Variants in SLC4A4 observed in about 807,000 individuals in gnomAD.
SLC4A4 encodes electrogenic sodium bicarbonate cotransporter 1.
In SLC4A4, 27 loss-of-function variants were observed where a neutral mutation model predicts 111.5. The observed-to-expected ratio is 0.24, with a 90% CI of 0.18 to 0.33. SLC4A4 has a LOEUF of 0.33. SLC4A4 is among the 10% of genes least tolerant of loss of function. The probability of loss-of-function intolerance (pLI) is 1.00; values close to 1 mark genes in which losing one functional copy is unlikely to be tolerated. For missense variants in SLC4A4, 909 were observed against 1,315.5 expected (o/e 0.69, Z 4.78); for synonymous variants, 443 against 463.4 (o/e 0.96, Z 0.57).
At chr4:71,500,879 T>C (rs1000016923) in intron 16 of SLC4A4, among the ~76,000 whole-genome samples, 3 of 152,222 alleles carry the variant, frequency 2.0e-5, no homozygotes, top group Admixed American at 6.5e-5. Flanking sequence ...AGTTTTGTAG[T>C]AGATTAGTGT....
intron 12 of SLC4A4, among the ~76,000 whole-genome samples, chr4:71,463,689 T>C (rs565665469): frequency 2.6e-4 from 39 of 152,300 alleles, no homozygotes; most frequent in African/African-American, 9.4e-4. Context: ...TGAGCAACAA[T>C]GCCTGTTGAC....
intron 3 of SLC4A4, among the ~76,000 whole-genome samples, chr4:71,283,822 A>G (rs1038438544): frequency 6.6e-6 from 1 of 152,216 alleles, no homozygotes; most frequent in African/African-American, 2.4e-5. Flanking sequence ...AGCTGATCCC[A>G]GGCTGGTCCA....
chr4:71,151,180 G>A (rs1744303439), intron 2 of SLC4A4, among the ~76,000 whole-genome samples: 1 of 152,200 alleles, frequency 6.6e-6, no homozygotes, highest in Non-Finnish European at 1.5e-5. Context: ...AGAATGTTCT[G>A]TGCCACAGCA....
chr4:71,065,635 A>G (rs1446712905), intron 1 of SLC4A4, among the ~76,000 whole-genome samples: 1 of 152,096 alleles, frequency 6.6e-6, no homozygotes, highest in Non-Finnish European at 1.5e-5. Context: ...ATATTTTGAG[A>G]TTATCTTTGG....
At chr4:71,190,470 C>T (rs142449047) in intron 1 of SLC4A4, among the ~76,000 whole-genome samples, 178 of 151,590 alleles carry the variant, frequency 1.2e-3, no homozygotes, top group East Asian at 5.0e-3. Context: ...TTAATTTTGT[C>T]GGAAGCCATA....
rs1420372949 is a variant in SLC4A4, at chr4:71,357,027, G to T, written c.570G>T (p.Gln190His). The T allele has an allele frequency of 4.3e-6, 7 of 1,614,088 alleles. No homozygotes were observed. In the South Asian group the frequency reaches 6.6e-5, roughly 15 times the overall value. The change falls in exon 6 of 26, where the codon CAG (glutamine) becomes CAT (histidine). Residue 190 changes from glutamine to histidine, a missense_variant. This residue lies in a region of SLC4A4 where 312 missense variants were observed against 402.0 expected (regional missense o/e 0.78). Coordinates refer to ENST00000264485, the MANE Select transcript of SLC4A4 (RefSeq NM_001098484.3). ...TACCAGAGATGATTGTTGACCATCA[G>T]ATTGAGACAGGCCTATTGAAACCTG... Reference protein sequence around the residue: ...PQLVEMIVDHQIETGLLKPEL... With the variant: ...PQLVEMIVDHHIETGLLKPEL...
chr4:71,346,839 A>G (rs530620483), intron 4 of SLC4A4, among the ~76,000 whole-genome samples: 1 of 152,306 alleles, frequency 6.6e-6, no homozygotes, highest in South Asian at 2.1e-4. Context: ...CAATTAGAGC[A>G]ATACATTTTA....
At chr4:71,128,174 T>G (rs1743607980) in intron 2 of SLC4A4, among the ~76,000 whole-genome samples, 1 of 152,240 alleles carries the variant, frequency 6.6e-6, no homozygotes, top group Non-Finnish European at 1.5e-5. Flanking sequence ...TCCACCTGGC[T>G]GGGGAGGCCT....
chr4:71,217,527 C>T (rs1212551668), intron 1 of SLC4A4, among the ~76,000 whole-genome samples: 1 of 152,200 alleles, frequency 6.6e-6, no homozygotes, highest in Non-Finnish European at 1.5e-5. Context: ...CGTGTCACTG[C>T]ACTCCAGCCT....
chr4:71,091,060 G>A (rs910032699), intron 1 of SLC4A4, among the ~76,000 whole-genome samples: 4 of 152,094 alleles, frequency 2.6e-5, no homozygotes, highest in Admixed American at 2.6e-4. Flanking sequence ...TGATTCTCCT[G>A]CCTCAGCCTC....
intron 3 of SLC4A4, among the ~76,000 whole-genome samples, chr4:71,278,106 C>T (rs1308709691): frequency 6.6e-6 from 1 of 152,086 alleles, no homozygotes; most frequent in Non-Finnish European, 1.5e-5. Context: ...TTCTCCCAAC[C>T]TCCCAGCCCC....
chr4:71,267,498 T>C (rs904485976), intron 3 of SLC4A4, among the ~76,000 whole-genome samples: 3 of 152,144 alleles, frequency 2.0e-5, no homozygotes, highest in Admixed American at 1.3e-4. Flanking sequence ...TGAGGCCTCA[T>C]TGAGGAGAGT....
intron 1 of SLC4A4, among the ~76,000 whole-genome samples, chr4:71,188,813 G>A (rs1745607292): frequency 1.3e-5 from 2 of 152,114 alleles, no homozygotes; most frequent in South Asian, 2.1e-4. Context: ...GGTCATTTTA[G>A]TACTTAGACT....
At position 71,451,054 on chromosome 4, in the gene SLC4A4, A is replaced by T. The variant is rs571264323; in HGVS notation, c.1209-134A>T. 1.4e-4 allele frequency: 96 copies of T among 707,170 alleles called. 1 individual carries two copies. In the African/African-American group the frequency reaches 1.5e-3, roughly 11 times the overall value. The allele number at this position is 707,170 out of a possible 1,614,324, so 43.8% of individuals were successfully genotyped here. ...TAACACTTAAAGAACTGTCTGTTAG[A>T]TAGCAGAAAGAAATAACAATCTTTC... On this transcript the variant is annotated intron_variant, in intron 10 of 25. Coordinates refer to ENST00000264485, the MANE Select transcript of SLC4A4 (RefSeq NM_001098484.3).
Position 71,552,327 on chromosome 4 carries a change from G to A in SLC4A4, c.2695-2813G>A, listed in dbSNP as rs144736573. Among the ~76,000 whole-genome samples, 323 of 151,578 alleles carry A rather than the reference G, an allele frequency of 2.1e-3. 1 individual carries two copies. The highest frequency in any genetic ancestry group is 3.7e-3 in the Non-Finnish European group (252 of 67,746). ...TGCCCATGCTCTTAATCAGGATCTC[G>A]TTCTGGATTGTACATTCACATGTAC... On this transcript the variant is annotated intron_variant, in intron 20 of 25. Transcript: ENST00000264485.
intron 3 of SLC4A4, among the ~76,000 whole-genome samples, chr4:71,272,731 T>C (rs1251626875): frequency 1.3e-5 from 2 of 152,164 alleles, no homozygotes; most frequent in East Asian, 3.9e-4. Flanking sequence ...ACATGAAAAG[T>C]GTTCAAAGAT....
intron 2 of SLC4A4, among the ~76,000 whole-genome samples, chr4:71,143,445 A>G (rs563271973): frequency 5.5e-4 from 84 of 152,220 alleles, no homozygotes; most frequent in South Asian, 1.7e-3. Context: ...ATGATTTATA[A>G]TCCTTTGGGT....
At chr4:71,118,866 T>C (rs1392223570) in intron 2 of SLC4A4, among the ~76,000 whole-genome samples, 2 of 152,200 alleles carry the variant, frequency 1.3e-5, no homozygotes, top group Non-Finnish European at 2.9e-5. Flanking sequence ...AGACCAGATA[T>C]GGTTGGGAGA....
intron 18 of SLC4A4, among the ~76,000 whole-genome samples, chr4:71,542,884 C>A (rs559613593): frequency 6.6e-6 from 1 of 152,078 alleles, no homozygotes; most frequent in Non-Finnish European, 1.5e-5. Flanking sequence ...ATTGAATGAG[C>A]GAATTAGCAT....
Sources: gnomAD v4.1 joint callset for allele counts (sites outside exome capture counted in the v4.1 genomes callset) on GRCh38, gnomAD v4.1.1 for gene constraint, gnomAD v4.1.1 regional missense constraint, MANE v1.5 for transcripts, NCBI Gene and HGNC (gene_info 2026-07-23, HGNC 2026-07-21) for gene names.